USP46: variants seen among roughly 807,000 people sequenced by gnomAD.
USP46 encodes the protein ubiquitin specific peptidase 46.
Under a neutral mutation model 44.4 loss-of-function variants are expected in USP46, and 12 were observed. The ratio of observed to expected loss-of-function variants is 0.27; its 90% confidence interval spans 0.17 to 0.44. USP46 has a LOEUF of 0.44. Among genes scored for constraint, USP46 ranks in the 20% least tolerant of loss-of-function variants. The pLI, the probability that USP46 is intolerant of heterozygous loss-of-function variation, is 1.00. For synonymous variants in USP46, 155 were observed against 161.5 expected (o/e 0.96, Z 0.31); for missense variants, 248 against 444.8 (o/e 0.56, Z 3.98).
chr4:52,616,608 G>A (rs1717159985), intron 4 of USP46, among the ~76,000 whole-genome samples: 1 of 152,084 alleles, frequency 6.6e-6, no homozygotes. Context: ...CCCAACCTCA[G>A]GTGATCCGCC....
intron 6 of USP46, among the ~76,000 whole-genome samples, chr4:52,603,492 T>C (rs1716558659): frequency 6.6e-6 from 1 of 152,150 alleles, no homozygotes. Context: ...GCCAGCTGCC[T>C]TGAATACTCC....
chr4:52,625,437 T>C (rs1048108680), intron 4 of USP46, among the ~76,000 whole-genome samples: 24 of 151,914 alleles, frequency 1.6e-4, no homozygotes, highest in African/African-American at 5.8e-4. Flanking sequence ...GCCAAGAAAA[T>C]ATGACATCCT....
chr4:52,651,457 T>C (rs934448965), intron 1 of USP46, among the ~76,000 whole-genome samples: 2 of 152,160 alleles, frequency 1.3e-5, no homozygotes, highest in Non-Finnish European at 2.9e-5. Context: ...CCAAAGAACC[T>C]AAAACCATAC....
intron 1 of USP46, among the ~76,000 whole-genome samples, chr4:52,649,782 C>G (rs183350276): frequency 2.6e-5 from 4 of 152,226 alleles, no homozygotes; most frequent in African/African-American, 9.6e-5. Flanking sequence ...GCTGGGAAAT[C>G]AACACTGAAT....
Position 52,626,048 on chromosome 4 carries a change from G to T in USP46, c.531C>A (p.Thr177=), listed in dbSNP as rs772774986. The T allele has an allele frequency of 1.2e-6, 2 of 1,613,852 alleles. No homozygotes were observed. Among genetic ancestry groups the T allele is most frequent in the East Asian group, 2.2e-5 (1 of 44,878 alleles). Residue 177 remains threonine, a synonymous_variant, in exon 4 of 9, where the codon ACC becomes ACA. Coordinates refer to ENST00000441222, the MANE Select transcript of USP46 (RefSeq NM_022832.4). ...CACAGTTCAAGCATCGAGTTTCATT[G>T]GTAAGCGTTCCCTGAAAAATCTCAT... ...WVHEIFQGTL[T]NETRCLNCET...
At chr4:52,646,350 A>G (rs955888612) in intron 1 of USP46, among the ~76,000 whole-genome samples, 1 of 152,200 alleles carries the variant, frequency 6.6e-6, no homozygotes, top group Non-Finnish European at 1.5e-5. Flanking sequence ...TAACAAAACC[A>G]TCCTGAAATG....
intron 6 of USP46, among the ~76,000 whole-genome samples, chr4:52,603,409 A>C (rs1392303350): frequency 6.6e-6 from 1 of 152,220 alleles, no homozygotes; most frequent in Non-Finnish European, 1.5e-5. Context: ...ACGCCTGGGA[A>C]GGCTGGGCAG....
rs971574662 is a variant in USP46 at position 52,591,546 on chromosome 4, G to A, written c.*6094C>T. 2.0e-5 allele frequency: 3 copies of A among 152,198 alleles called. No individual in the cohort carries two copies. Among genetic ancestry groups the A allele is most frequent in the Admixed American group, 1.3e-4 (2 of 15,274 alleles). The allele number at this position is 152,198 out of a possible 1,614,324, so 9.4% of individuals were successfully genotyped here. On this transcript the variant is annotated 3_prime_UTR_variant, in exon 9 of 9. Transcript: ENST00000441222. The stretch of plus-strand genomic sequence containing the variant: ...TGCATCCGTGTAATTGACAACCTGA[G>A]TACGATCCCAAGGTTGTTAATATAT...
intron 5 of USP46, among the ~76,000 whole-genome samples, chr4:52,606,711 G>A (rs879257568): frequency 6.6e-6 from 1 of 152,190 alleles, no homozygotes; most frequent in African/African-American, 2.4e-5. Context: ...CAAGAAGCCA[G>A]CATGAACCCT....
chr4:52,626,319 C>A lies in USP46; in HGVS notation c.332-72G>T, dbSNP rs898036552. 3.1e-6 allele frequency: 4 copies of A among 1,310,850 alleles called. No homozygotes were observed. In the South Asian group the frequency reaches 4.2e-5, roughly 14 times the overall value. The allele number at this position is 1,310,850 out of a possible 1,614,324, so 81.2% of individuals were successfully genotyped here. A position where few individuals can be genotyped will look rare whatever the true frequency, so the allele number is the denominator to read the frequency against. On this transcript the variant is annotated intron_variant, in intron 3 of 8. Transcript: ENST00000441222. ...AAATGGATGTAATTAGTGTTACATGCCATACTTAAATATTTTTTTTTTGAG... is the reference window on the plus strand; with the variant it reads ...AAATGGATGTAATTAGTGTTACATGACATACTTAAATATTTTTTTTTTGAG...
chr4:52,609,815 G>GCC (rs1205818003), intron 5 of USP46, among the ~76,000 whole-genome samples: 1 of 140,022 alleles, frequency 7.1e-6, no homozygotes, highest in East Asian at 2.2e-4. Context: ...CCTCTAGCCT[G>GCC]CCTTCACCAG....
Position 52,627,932 on chromosome 4 carries a change from A to G in USP46, c.331+18T>C. On this transcript the variant is annotated intron_variant, in intron 3 of 8. Transcript: ENST00000441222. ...CTTATTTCAGAGGCTTAAATACATT[A>G]TACTGCATACTACTCACCATTCTCT... 6.2e-7 allele frequency: 1 copy of G among 1,604,272 alleles called. No individual in the cohort carries two copies. Among genetic ancestry groups the G allele is most frequent in the Non-Finnish European group, 8.5e-7 (1 of 1,174,860 alleles).
At chr4:52,652,168 G>C (rs1718790760) in intron 1 of USP46, among the ~76,000 whole-genome samples, 1 of 152,162 alleles carries the variant, frequency 6.6e-6, no homozygotes, top group Non-Finnish European at 1.5e-5. Context: ...AACAGGAAAA[G>C]TGCAAATTTT....
Position 52,632,950 on chromosome 4 carries a change from A to AAG in USP46, c.37-1808_37-1807dup, listed in dbSNP as rs1182606213. On this transcript the variant is annotated intron_variant, in intron 1 of 8. Transcript: ENST00000441222. ...AAAGAAAGAAAGAAAGAAAGAAAGAAAGAAAGAAAGAAAGAAAGAAAGAAA... is the reference window on the plus strand; with the variant it reads ...AAAGAAAGAAAGAAAGAAAGAAAGAAAGAGAAAGAAAGAAAGAAAGAAAGAAA... Among the ~76,000 whole-genome samples the AAG allele has an allele frequency of 2.3e-3, 174 of 75,558 alleles. 2 individuals are homozygous for AAG. Among genetic ancestry groups the AAG allele is most frequent in the African/African-American group, 0.011 (162 of 14,864 alleles). 49.6% of individuals were successfully genotyped at this position (75,558 alleles called of 152,430 possible). A position where few individuals can be genotyped will look rare whatever the true frequency, so the allele number is the denominator to read the frequency against.
Position 52,595,725 on chromosome 4 carries a change from G to C in USP46, c.*1915C>G, listed in dbSNP as rs1421898763. 6.6e-6 allele frequency: 1 copy of C among 152,038 alleles called. No homozygotes were observed. Among genetic ancestry groups the C allele is most frequent in the Non-Finnish European group, 1.5e-5 (1 of 68,026 alleles). The allele number at this position is 152,038 out of a possible 1,614,324, so 9.4% of individuals were successfully genotyped here. On this transcript the variant is annotated 3_prime_UTR_variant, in exon 9 of 9. Coordinates refer to ENST00000441222, the MANE Select transcript of USP46 (RefSeq NM_022832.4). ...AGATAATTTTAATAACTTTTCTTAT[G>C]AATCAGTTCCAAATATATTAGAGAC...
At chr4:52,642,648 G>A (rs913761619) in intron 1 of USP46, among the ~76,000 whole-genome samples, 2 of 152,196 alleles carry the variant, frequency 1.3e-5, no homozygotes, top group Non-Finnish European at 2.9e-5. Flanking sequence ...CTTGTTTAGA[G>A]AAAACATAAA....
At chr4:52,637,416 T>A (rs183252062) in intron 1 of USP46, among the ~76,000 whole-genome samples, 1 of 152,322 alleles carries the variant, frequency 6.6e-6, no homozygotes, top group African/African-American at 2.4e-5. Flanking sequence ...CAAATCCACT[T>A]ACTTGTCTTA....
intron 1 of USP46, among the ~76,000 whole-genome samples, chr4:52,636,953 G>C (rs1051310841): frequency 1.3e-5 from 2 of 151,740 alleles, no homozygotes; most frequent in African/African-American, 4.8e-5. Flanking sequence ...GGGACTTACA[G>C]GTGCATAACC....
At chr4:52,658,700 G>C (rs1367102631) in intron 1 of USP46, among the ~76,000 whole-genome samples, 1 of 152,258 alleles carries the variant, frequency 6.6e-6, no homozygotes, top group Non-Finnish European at 1.5e-5. Flanking sequence ...CTCAAAATGA[G>C]ATGAGGGCAG....
Sources: allele counts gnomAD v4.1 joint callset (sites outside exome capture counted in the v4.1 genomes callset), GRCh38; gene constraint gnomAD v4.1.1; transcripts MANE v1.5; gene names NCBI Gene and HGNC (gene_info 2026-07-23, HGNC 2026-07-21).